Variants in TNKS observed in about 807,000 individuals in gnomAD.
TNKS encodes the protein poly [ADP-ribose] polymerase tankyrase-1.
Under a neutral mutation model 135.8 loss-of-function variants are expected in TNKS, and 72 were observed. The observed-to-expected ratio is 0.53, with a 90% CI of 0.44 to 0.64. TNKS has a LOEUF of 0.64. TNKS is among the 30% of genes least tolerant of loss of function. TNKS has a pLI of 0.00. For missense variants in TNKS, 1,769 were observed against 1,674.0 expected (o/e 1.06, Z -0.99); for synonymous variants, 849 against 649.3 (o/e 1.31, Z -4.68).
intron 3 of TNKS, among the ~76,000 whole-genome samples, chr8:9,616,346 A>G (rs1173522393): frequency 6.6e-6 from 1 of 152,182 alleles, no homozygotes; most frequent in Non-Finnish European, 1.5e-5. Context: ...ATTGATCTGC[A>G]TTCTCAAAAT....
At chr8:9,654,850 C>G (rs1297707103) in intron 3 of TNKS, among the ~76,000 whole-genome samples, 1 of 152,202 alleles carries the variant, frequency 6.6e-6, no homozygotes, top group Non-Finnish European at 1.5e-5. Flanking sequence ...TTCTGCATTT[C>G]CAACTGAGGT....
chr8:9,593,622 A>T (rs1302773513), intron 2 of TNKS, among the ~76,000 whole-genome samples: 1 of 152,210 alleles, frequency 6.6e-6, no homozygotes, highest in Non-Finnish European at 1.5e-5. Flanking sequence ...ACTTACTCCT[A>T]AAGTAATACC....
At chr8:9,698,221 A>G (rs1182833422) in intron 5 of TNKS, among the ~76,000 whole-genome samples, 1 of 152,098 alleles carries the variant, frequency 6.6e-6, no homozygotes. Context: ...GGACATAAAC[A>G]TGGGAACAGT....
chr8:9,565,046 G>A (rs12548306), intron 1 of TNKS, among the ~76,000 whole-genome samples: 43,194 of 151,564 alleles, frequency 0.28, 6,465 homozygotes, highest in East Asian at 0.4. Flanking sequence ...AAGTAATTGA[G>A]GAAAGTTTTA....
intron 3 of TNKS, among the ~76,000 whole-genome samples, chr8:9,644,782 A>G (rs1160072058): frequency 6.6e-6 from 1 of 152,168 alleles, no homozygotes; most frequent in East Asian, 1.9e-4. Context: ...TTTTTTTACT[A>G]TATGATGGTG....
intron 17 of TNKS, among the ~76,000 whole-genome samples, chr8:9,736,353 A>T (rs961689676): frequency 6.8e-6 from 1 of 146,152 alleles, no homozygotes; most frequent in Non-Finnish European, 1.5e-5. Context: ...CCTCATCTAA[A>T]AAAAAAAAAA....
chr8:9,565,956 CTTA>C (rs1797516405), intron 1 of TNKS, among the ~76,000 whole-genome samples: 1 of 152,058 alleles, frequency 6.6e-6, no homozygotes. Context: ...ATGTATATAA[CTTA>C]TTATATATGT....
rs970585473 is a variant in TNKS, at chr8:9,717,518, G to A, written c.1750-2856G>A. The stretch of plus-strand genomic sequence containing the variant: ...GAGGAATGCATTTTGGTTAGATAGC[G>A]AACATTTTAGTAGTTCCTAATGTTT... On this transcript the variant is annotated intron_variant, in intron 11 of 26. Transcript: ENST00000310430. Among the ~76,000 whole-genome samples, 103 of 152,108 alleles carry A rather than the reference G, an allele frequency of 6.8e-4. 2 individuals are homozygous for A. The highest frequency in any genetic ancestry group is 2.3e-3 in the African/African-American group (97 of 41,536).
chr8:9,625,017 C>G (rs901803264), intron 3 of TNKS, among the ~76,000 whole-genome samples: 5 of 152,112 alleles, frequency 3.3e-5, no homozygotes, highest in African/African-American at 1.2e-4. Context: ...AACTGTATTT[C>G]TCCTTAAATG....
At chr8:9,686,742 G>T (rs1803018890) in intron 5 of TNKS, among the ~76,000 whole-genome samples, 1 of 152,010 alleles carries the variant, frequency 6.6e-6, no homozygotes, top group African/African-American at 2.4e-5. Context: ...CATCTTTTGG[G>T]GTCATGGTAT....
At chr8:9,577,229 G>A (rs1264512107) in intron 1 of TNKS, among the ~76,000 whole-genome samples, 1 of 152,006 alleles carries the variant, frequency 6.6e-6, no homozygotes, top group Non-Finnish European at 1.5e-5. Flanking sequence ...AATTTTAAAT[G>A]TATACCTATT....
intron 3 of TNKS, among the ~76,000 whole-genome samples, chr8:9,662,388 A>G (rs975780659): frequency 6.6e-6 from 1 of 152,222 alleles, no homozygotes; most frequent in Non-Finnish European, 1.5e-5. Context: ...AATGTGGCAC[A>G]TATACACCAT....
In TNKS at chr8:9,643,225, A is replaced by T. The variant is rs529961643; in HGVS notation, c.994+27548A>T. Among the ~76,000 whole-genome samples, 145 of 146,192 alleles carry T rather than the reference A, an allele frequency of 9.9e-4. 16 individuals are homozygous for T. The highest frequency in any genetic ancestry group is 3.4e-3 in the African/African-American group (135 of 39,546). ...CCTTAGTCCATTTTGTGCTGCTATT[A>T]ATAGTATAACACAGACTGGGTGATT... On this transcript the variant is annotated intron_variant, in intron 3 of 26. Transcript: ENST00000310430.
chr8:9,725,237 A>G (rs1805104476), intron 12 of TNKS, among the ~76,000 whole-genome samples: 1 of 152,234 alleles, frequency 6.6e-6, no homozygotes, highest in Non-Finnish European at 1.5e-5. Context: ...GTGGAAATCC[A>G]TCCAGGAAAT....
chr8:9,706,590 T>C (rs1013515031), intron 7 of TNKS, among the ~76,000 whole-genome samples: 1 of 152,236 alleles, frequency 6.6e-6, no homozygotes, highest in African/African-American at 2.4e-5. Context: ...TTTTTTAGAT[T>C]TTAAGAGAAT....
intron 17 of TNKS, among the ~76,000 whole-genome samples, chr8:9,742,048 C>T (rs987509769): frequency 1.3e-5 from 2 of 152,096 alleles, no homozygotes; most frequent in Admixed American, 6.5e-5. Flanking sequence ...TGAGAATGAT[C>T]AAAAAATTCT....
At chr8:9,618,561 A>T (rs761753322) in intron 3 of TNKS, among the ~76,000 whole-genome samples, 3 of 152,216 alleles carry the variant, frequency 2.0e-5, no homozygotes, top group Admixed American at 6.5e-5. Flanking sequence ...GGAGGTATTT[A>T]GATTTTTCGT....
chr8:9,731,075 C>T lies in TNKS; in HGVS notation c.2147+40C>T, dbSNP rs1408718247. On this transcript the variant is annotated intron_variant, in intron 14 of 26. Transcript: ENST00000310430. The stretch of plus-strand genomic sequence containing the variant: ...TTAGCTGTTTGGGAGTCATTCTCTT[C>T]ATGCTTAAAAAATTTAAAATATTTT... 3 of 1,499,602 alleles carry T rather than the reference C, an allele frequency of 2.0e-6. No homozygotes were observed. In the African/African-American group the frequency reaches 4.3e-5, roughly 21 times the overall value. 92.9% of individuals were successfully genotyped at this position (1,499,602 alleles called of 1,614,324 possible).
intron 24 of TNKS, 34 bp from the exon 25 acceptor site, chr8:9,766,205 T>C: frequency 6.4e-7 from 1 of 1,572,938 alleles, no homozygotes; most frequent in Non-Finnish European, 8.7e-7. Context: ...AGAAAAGTGT[T>C]CAAAAACGAA....
Sources: gnomAD v4.1 joint callset for allele counts (sites outside exome capture counted in the v4.1 genomes callset) on GRCh38, gnomAD v4.1.1 for gene constraint, MANE v1.5 for transcripts, NCBI Gene and HGNC (gene_info 2026-07-23, HGNC 2026-07-21) for gene names.